Variants in PAK4 observed in about 807,000 individuals in gnomAD.
PAK4 encodes the protein p21 (RAC1) activated kinase 4, also known as serine/threonine-protein kinase PAK 4.
PAK4 carries 49 observed loss-of-function variants against 53.5 expected under a neutral mutation model. The ratio of observed to expected loss-of-function variants is 0.92; its 90% CI spans 0.73 to 1.16. The LOEUF (loss-of-function observed/expected upper bound fraction) is 1.16. Ranked by LOEUF, PAK4 falls within the 50% of genes most tolerant of loss-of-function variation. The pLI, the probability that PAK4 is intolerant of heterozygous loss-of-function variation, is 0.00. For synonymous variants in PAK4, 376 were observed against 375.6 expected (o/e 1.00, Z -0.01); for missense variants, 824 against 850.7 (o/e 0.97, Z 0.39).
chr19:39,169,696 G>A (rs749352070), exon 2 of PAK4: 20 of 1,611,554 alleles, frequency 1.2e-5, no homozygotes, highest in Middle Eastern at 1.7e-4. Context: ...GAGTCGGCTC[G>A]CCGGCCCAAG....
intron 1 of PAK4, among the ~76,000 whole-genome samples, chr19:39,133,559 G>A (rs545039076): frequency 6.6e-6 from 1 of 152,282 alleles, no homozygotes; most frequent in Admixed American, 6.5e-5. Context: ...CGCTTCCCCT[G>A]CTACCCGGGG....
In PAK4 at chr19:39,178,397, C is replaced by T; in HGVS notation, c.1621-27C>T. On this transcript the variant is annotated intron_variant, in intron 8 of 8. Transcript: ENST00000358301. This position sits in a 1 kb window ranked among gnomAD's most constrained non-coding sequence, Gnocchi z 4.4. ...CAAATGAACAGTGGGGAGCCTCGCC[C>T]CCTGACCCTCCCCTCCTTCTCGACA... 1 of 1,563,202 alleles carries T rather than the reference C, an allele frequency of 6.4e-7. No individual in the cohort carries two copies. Among genetic ancestry groups the T allele is most frequent in the Non-Finnish European group, 8.7e-7 (1 of 1,154,712 alleles).
At position 39,173,340 on chromosome 19, in the gene PAK4, G is replaced by A. The variant is rs375542750; in HGVS notation, c.627G>A (p.Pro209=). 170 of 1,569,536 alleles carry A rather than the reference G, an allele frequency of 1.1e-4. 1 individual carries two copies. The highest frequency in any genetic ancestry group is 4.5e-4 in the African/African-American group (33 of 73,434). Residue 209 remains proline, a synonymous_variant, in exon 3 of 9, where the codon CCG becomes CCA. Transcript: ENST00000358301. The surrounding 1 kb of genome is among the most constrained non-coding windows in gnomAD (Gnocchi z 6.9). Reference sequence around the variant, plus strand: ...CTGGCCGGCCCTTTAACACCTACCCGAGGGCTGACACGGACCACCCATCCC... The same window carrying A: ...CTGGCCGGCCCTTTAACACCTACCCAAGGGCTGACACGGACCACCCATCCC...
chr19:39,157,277 T>C (rs2074201683), intron 1 of PAK4, among the ~76,000 whole-genome samples: 2 of 152,074 alleles, frequency 1.3e-5, no homozygotes, highest in African/African-American at 4.8e-5. Context: ...GGTGCGTGTG[T>C]GTCCTGGGGT....
At chr19:39,127,413 C>T (rs996727132) in intron 1 of PAK4, among the ~76,000 whole-genome samples, 3 of 152,142 alleles carry the variant, frequency 2.0e-5, no homozygotes, top group African/African-American at 4.8e-5. Context: ...TCAGCTGGCC[C>T]GGGACCACCC....
intron 1 of PAK4, among the ~76,000 whole-genome samples, chr19:39,137,583 G>A (rs1600314736): frequency 1.3e-5 from 2 of 151,748 alleles, no homozygotes; most frequent in Admixed American, 1.3e-4. Flanking sequence ...GGTCTGATGT[G>A]TTTTTCTGGT....
chr19:39,141,958 A>C (rs1386898178), intron 1 of PAK4, among the ~76,000 whole-genome samples: 1 of 152,136 alleles, frequency 6.6e-6, no homozygotes, highest in African/African-American at 2.4e-5. Context: ...GACAAGGTCT[A>C]CACTTTGCAT....
intron 1 of PAK4, among the ~76,000 whole-genome samples, chr19:39,157,352 T>C (rs1316218872): frequency 2.0e-5 from 3 of 152,152 alleles, no homozygotes; most frequent in Admixed American, 2.0e-4. Context: ...CACGTGTCCC[T>C]GTGTATCTAT....
rs1475485742 is a variant in PAK4 at position 39,174,873 on chromosome 19, G to C, written c.1099-58G>C. On this transcript the variant is annotated intron_variant, in intron 4 of 8. Transcript: ENST00000358301. ...GGGAGCCAGGGGGGTGGCGGTGGCT[G>C]GGTCTGGCACTGGCAGCCCTCCCGC... is the stretch of plus-strand genomic sequence containing the variant. The C allele has an allele frequency of 8.7e-6, 14 of 1,605,562 alleles. No individual in the cohort carries two copies. The African/African-American group carries it at 1.2e-4, about 14-fold the overall frequency.
At chr19:39,176,321 C>T (rs1233765638) in intron 6 of PAK4, among the ~76,000 whole-genome samples, 2 of 152,194 alleles carry the variant, frequency 1.3e-5, no homozygotes, top group African/African-American at 4.8e-5. Context: ...ATCTGCAGTA[C>T]TCAGGCCAGT....
chr19:39,140,019 A>G (rs942551275), intron 1 of PAK4, among the ~76,000 whole-genome samples: 5 of 152,188 alleles, frequency 3.3e-5, no homozygotes, highest in South Asian at 2.1e-4. Flanking sequence ...AGATAAGGCA[A>G]CTGAGGCCCA....
intron 1 of PAK4, among the ~76,000 whole-genome samples, chr19:39,148,749 C>A (rs1454394965): frequency 1.3e-5 from 2 of 151,526 alleles, no homozygotes; most frequent in Non-Finnish European, 2.9e-5. Context: ...GCCACCACAC[C>A]CTGCCTGCTT....
At position 39,173,648 on chromosome 19, in the gene PAK4, T is replaced by C; in HGVS notation, c.736T>C (p.Ser246Pro). Reference sequence around the variant, plus strand: ...GGCCATCCCCCAGTCCTCCTCCTCCTCCTCCCGGCCTCCCACCCGAGCCCG... The same window carrying C: ...GGCCATCCCCCAGTCCTCCTCCTCCCCCTCCCGGCCTCCCACCCGAGCCCG... The change falls in exon 4 of 9, where the codon TCC (serine) becomes CCC (proline). Residue 246 changes from serine (S) to proline (P), a missense_variant. Coordinates refer to ENST00000358301, the Ensembl canonical transcript of PAK4. This position sits in a 1 kb window ranked among gnomAD's most constrained non-coding sequence, Gnocchi z 6.9. 6.4e-7 allele frequency: 1 copy of C among 1,574,316 alleles called. No individual in the cohort carries two copies. The highest frequency in any genetic ancestry group is 8.6e-7 in the Non-Finnish European group (1 of 1,159,410).
At chr19:39,147,113 A>C (rs553301741) in intron 1 of PAK4, among the ~76,000 whole-genome samples, 91,658 of 151,140 alleles carry the variant, frequency 0.61, 28,117 homozygotes, top group East Asian at 0.82. Flanking sequence ...ATTGACATTG[A>C]CATTGTCAGT....
chr19:39,173,120 G>A lies in PAK4; in HGVS notation c.407G>A (p.Gly136Asp), dbSNP rs1415618534. ...GGCCCAGGGAAGGCAGGCAGCCGAG[G>A]CCGGTTCGCCGGTCACAGCGAGGCG... Residue 136 changes from glycine to aspartate, a missense_variant, in exon 3 of 9, where the codon GGC becomes GAC. Transcript: ENST00000358301. This position sits in a 1 kb window ranked among gnomAD's most constrained non-coding sequence, Gnocchi z 6.9. The A allele has an allele frequency of 6.5e-7, 1 of 1,547,140 alleles. No individual in the cohort carries two copies. Among genetic ancestry groups the A allele is most frequent in the Non-Finnish European group, 8.7e-7 (1 of 1,145,420 alleles).
intron 7 of PAK4, among the ~76,000 whole-genome samples, chr19:39,177,045 T>G (rs1053040822): frequency 5.3e-5 from 8 of 152,004 alleles, no homozygotes; most frequent in Non-Finnish European, 1.2e-4. Context: ...ATTTTTGTAT[T>G]AGTAGAGATG....
chr19:39,169,172 C>T (rs558164847), intron 1 of PAK4, among the ~76,000 whole-genome samples: 104 of 151,370 alleles, frequency 6.9e-4, no homozygotes, highest in African/African-American at 2.4e-3. Flanking sequence ...AAGGAGGGGA[C>T]GGGGAGCCCT....
intron 1 of PAK4, among the ~76,000 whole-genome samples, chr19:39,154,659 G>A (rs896941894): frequency 6.6e-6 from 1 of 152,164 alleles, no homozygotes; most frequent in Non-Finnish European, 1.5e-5. Flanking sequence ...CTCCCTCTCC[G>A]TCCATTGGGG....
In PAK4 at chr19:39,178,399, C is replaced by G. The variant is rs1447537200; in HGVS notation, c.1621-25C>G. The G allele has an allele frequency of 6.4e-6, 10 of 1,564,662 alleles. No individual in the cohort carries two copies. The highest frequency in any genetic ancestry group is 8.7e-6 in the Non-Finnish European group (10 of 1,155,560). On this transcript the variant is annotated intron_variant, in intron 8 of 8. Coordinates refer to ENST00000358301, the Ensembl canonical transcript of PAK4. The surrounding 1 kb of genome is among the most constrained non-coding windows in gnomAD (Gnocchi z 4.4). The stretch of plus-strand genomic sequence containing the variant: ...AATGAACAGTGGGGAGCCTCGCCCC[C>G]TGACCCTCCCCTCCTTCTCGACAGG...
Sources: allele counts gnomAD v4.1 joint callset (sites outside exome capture counted in the v4.1 genomes callset), GRCh38; gene constraint gnomAD v4.1.1; non-coding constraint Gnocchi (gnomAD v3.1); transcripts MANE v1.5; gene names NCBI Gene and HGNC (gene_info 2026-07-23, HGNC 2026-07-21).